Variants in PLA2G5 observed in about 807,000 individuals in gnomAD.
PLA2G5 encodes Ca2+-dependent phospholipase A2.
PLA2G5 carries 12 observed loss-of-function variants against 15.9 expected under a neutral mutation model. The observed-to-expected ratio is 0.76, with a 90% CI of 0.48 to 1.23. The LOEUF is 1.23. Ranked by LOEUF, PLA2G5 falls within the 50% of genes most tolerant of loss-of-function variation. The pLI, the probability that PLA2G5 is intolerant of heterozygous loss-of-function variation, is 0.00. For missense variants in PLA2G5, 169 were observed against 177.1 expected, an observed-to-expected ratio of 0.95 and a Z score of 0.26; for synonymous variants, 71 against 71.4, an observed-to-expected ratio of 0.99 and a Z score of 0.03.
At chr1:20,077,496 C>T (rs1419096286) in intron 1 of PLA2G5, among the ~76,000 whole-genome samples, 1 of 152,136 alleles carries the variant, frequency 6.6e-6, no homozygotes, top group Admixed American at 6.5e-5. Context: ...CTACTATGTG[C>T]CAAGTGTTGG....
chr1:20,057,602 G>A (rs372724600), intron 1 of PLA2G5, among the ~76,000 whole-genome samples: 25 of 152,198 alleles, frequency 1.6e-4, no homozygotes, highest in East Asian at 1.4e-3. Flanking sequence ...GGGTTCAAGC[G>A]ATTCTCCTGC....
At chr1:20,071,530 G>A (rs541399689) in intron 1 of PLA2G5, among the ~76,000 whole-genome samples, 42 of 152,332 alleles carry the variant, frequency 2.8e-4, no homozygotes, top group African/African-American at 8.9e-4. Flanking sequence ...AACACAATGT[G>A]ATTGGTGCTG....
intron 1 of PLA2G5, among the ~76,000 whole-genome samples, chr1:20,029,618 C>T (rs568142310): frequency 2.2e-4 from 34 of 152,242 alleles, no homozygotes; most frequent in Non-Finnish European, 4.4e-4. Context: ...GGAGCCCTAC[C>T]GGGGACCATG....
Position 20,079,955 on chromosome 1 carries a change from C to T in PLA2G5, c.-10-4866C>T, listed in dbSNP as rs796383145. ...CTGTGGTGTTTCTGCAGGCATCTCC[C>T]GAGTCACCCCAGCTCAGGAACAAGG... On this transcript the variant is annotated intron_variant, in intron 1 of 4. Transcript: ENST00000375108. 1.3e-4 allele frequency among the ~76,000 whole-genome samples: 20 copies of T among 152,178 alleles called. 1 individual carries two copies. Among genetic ancestry groups the T allele is most frequent in the African/African-American group, 4.3e-4 (18 of 41,500 alleles).
intron 1 of PLA2G5, among the ~76,000 whole-genome samples, chr1:20,075,552 G>T (rs890845690): frequency 1.3e-5 from 2 of 152,208 alleles, no homozygotes; most frequent in Admixed American, 1.3e-4. Context: ...AGTTGCCAGA[G>T]GTCACACAGC....
chr1:20,075,810 T>A (rs755479591), intron 1 of PLA2G5, among the ~76,000 whole-genome samples: 3 of 152,082 alleles, frequency 2.0e-5, no homozygotes, highest in Non-Finnish European at 4.4e-5. Flanking sequence ...GACCCAGGAT[T>A]CCTAGATCTT....
chr1:20,085,329 C>T (rs960556401), intron 2 of PLA2G5, among the ~76,000 whole-genome samples: 8 of 151,812 alleles, frequency 5.3e-5, no homozygotes, highest in Admixed American at 5.2e-4. Flanking sequence ...TTAGTCCCAT[C>T]CTGCGGCCCC....
rs148810130 is a variant in PLA2G5 at position 20,056,918 on chromosome 1, C to G, written n.277-2714C>G. Among the ~76,000 whole-genome samples the G allele has an allele frequency of 2.4e-3, 363 of 152,180 alleles. 2 individuals are homozygous for G. Among genetic ancestry groups the G allele is most frequent in the African/African-American group, 7.4e-3 (307 of 41,532 alleles). ...ATAGATGCTGGTCTATTCAAATGAT[C>G]TATTTCTTCTTATGTGAATTTTGGC... On this transcript the variant is annotated intron_variant and non_coding_transcript_variant, in intron 1 of 6. Coordinates refer to the PLA2G5 transcript ENST00000460175.
At chr1:20,031,873 GTT>G (rs896667616) in intron 1 of PLA2G5, among the ~76,000 whole-genome samples, 2 of 152,134 alleles carry the variant, frequency 1.3e-5, no homozygotes, top group Non-Finnish European at 2.9e-5. Flanking sequence ...AGGGAGGTGT[GTT>G]TTGATGATGG....
At chr1:20,090,049 C>T (rs1186464568) in intron 4 of PLA2G5, among the ~76,000 whole-genome samples, 154 bp downstream of exon 4, 4 of 152,162 alleles carry the variant, frequency 2.6e-5, no homozygotes, top group Admixed American at 2.0e-4. Flanking sequence ...CTGTATCAGA[C>T]CCCCAGGGTA....
chr1:20,086,039 C>G, intron 2 of PLA2G5, 44 bp from the exon 3 acceptor site: 1 of 1,609,832 alleles, frequency 6.2e-7, no homozygotes, highest in Non-Finnish European at 8.5e-7. Flanking sequence ...TAAAGCAGGG[C>G]TGGGCTGCCT....
chr1:20,091,413 A>G lies in PLA2G5; in HGVS notation c.*721A>G, dbSNP rs1179863525. On this transcript the variant is annotated 3_prime_UTR_variant, in exon 5 of 5. Transcript: ENST00000375108. ...GGGAAAGATAACTGGTGATTATGCC[A>G]GCTTCAGCTTCCAGGCCAGAGAGGG... Among the ~76,000 whole-genome samples the G allele has an allele frequency of 6.6e-6, 1 of 152,194 alleles. No homozygotes were observed. The highest frequency in any genetic ancestry group is 1.5e-5 in the Non-Finnish European group (1 of 68,026).
chr1:20,068,674 C>G (rs1211864637), upstream of PLA2G5, among the ~76,000 whole-genome samples: 4 of 152,090 alleles, frequency 2.6e-5, no homozygotes, highest in African/African-American at 9.7e-5. Flanking sequence ...TGGTCTGGAA[C>G]TCCCGACCTC....
intron 1 of PLA2G5, among the ~76,000 whole-genome samples, chr1:20,080,079 C>A (rs1200704595): frequency 6.6e-6 from 1 of 152,112 alleles, no homozygotes; most frequent in Admixed American, 6.6e-5. Context: ...TCTGGCAGTT[C>A]CTGGGTTGAG....
intron 3 of PLA2G5, 122 bp from the exon 4 acceptor site, chr1:20,089,667 G>A (rs1293535213): frequency 1.3e-5 from 9 of 702,444 alleles, no homozygotes; most frequent in Non-Finnish European, 2.3e-5. Flanking sequence ...GATCCTCCCT[G>A]CCACATCGCG....
intron 1 of PLA2G5, among the ~76,000 whole-genome samples, chr1:20,043,904 G>T (rs570308566): frequency 2.0e-5 from 3 of 152,188 alleles, no homozygotes; most frequent in Non-Finnish European, 4.4e-5. Flanking sequence ...CTAGGCATGC[G>T]TGATGGTCCA....
chr1:20,086,540 G>A (rs1469038254), intron 3 of PLA2G5, among the ~76,000 whole-genome samples: 1 of 152,154 alleles, frequency 6.6e-6, no homozygotes, highest in African/African-American at 2.4e-5. Context: ...GACAACTGAG[G>A]CTGGACAATC....
intron 1 of PLA2G5, among the ~76,000 whole-genome samples, chr1:20,049,375 G>A (rs1295438236): frequency 6.6e-6 from 1 of 152,208 alleles, no homozygotes; most frequent in South Asian, 2.1e-4. Flanking sequence ...TAAATAATTG[G>A]TTAGAACAAT....
At chr1:20,087,183 T>TA (rs897646081) in intron 3 of PLA2G5, among the ~76,000 whole-genome samples, 1 of 152,238 alleles carries the variant, frequency 6.6e-6, no homozygotes, top group Admixed American at 6.5e-5. Flanking sequence ...CATACTAATA[T>TA]AAGATGTAAG....
Sources: allele counts gnomAD v4.1 joint callset (sites outside exome capture counted in the v4.1 genomes callset), GRCh38; gene constraint gnomAD v4.1.1; transcripts MANE v1.5; gene names NCBI Gene and HGNC (gene_info 2026-07-23, HGNC 2026-07-21).